DLG1: variants seen among roughly 807,000 people sequenced by gnomAD.
DLG1 encodes discs large MAGUK scaffold protein 1.
Under a neutral mutation model 123.4 loss-of-function variants are expected in DLG1, and 42 were observed. The ratio of observed to expected loss-of-function variants is 0.34; its 90% CI spans 0.27 to 0.44. The LOEUF is 0.44. DLG1 is among the 20% of genes least tolerant of loss of function. The pLI is 1.00. For missense variants in DLG1, 942 were observed against 1,082.6 expected (o/e 0.87, Z 1.82); for synonymous variants, 317 against 356.2 (o/e 0.89, Z 1.24).
Position 197,259,571 on chromosome 3 carries a change from T to A in DLG1, c.318+23108A>T, listed in dbSNP as rs562161878. The stretch of plus-strand genomic sequence containing the variant: ...CATAGAAATAAAAAAAGGTAAATTA[T>A]TCCATATTTTAAAAACCAATGGATG... On this transcript the variant is annotated intron_variant, in intron 4 of 24. Transcript: ENST00000667157. Among the ~76,000 whole-genome samples the A allele has an allele frequency of 4.6e-5, 7 of 152,334 alleles. No homozygotes were observed. The East Asian group carries it at 1.2e-3, about 25-fold the overall frequency.
At chr3:197,249,598 C>T (rs35112822) in intron 4 of DLG1, among the ~76,000 whole-genome samples, 36,495 of 151,824 alleles carry the variant, frequency 0.24, 5,491 homozygotes, top group East Asian at 0.68. Context: ...AAACCAGACA[C>T]GGATAAAACA....
intron 4 of DLG1, among the ~76,000 whole-genome samples, chr3:197,241,945 T>A (rs978987748): frequency 6.6e-6 from 1 of 151,930 alleles, no homozygotes; most frequent in Non-Finnish European, 1.5e-5. Flanking sequence ...AGCAACAAAA[T>A]GGCAGTAGTC....
intron 4 of DLG1, among the ~76,000 whole-genome samples, chr3:197,254,778 G>A (rs184375121): frequency 3.8e-4 from 58 of 152,296 alleles, no homozygotes; most frequent in Admixed American, 1.2e-3. Context: ...AAGGCTGAGC[G>A]TGGTGGCTCA....
intron 17 of DLG1, among the ~76,000 whole-genome samples, chr3:197,076,993 A>C (rs1747724546): frequency 6.6e-6 from 1 of 152,196 alleles, no homozygotes; most frequent in African/African-American, 2.4e-5. Context: ...GTTTATACTA[A>C]TCCATGTTTT....
rs35391772 is a variant in DLG1 at position 197,229,327 on chromosome 3, T to TA, written c.319-34739dup. Reference sequence around the variant, plus strand: ...AGTCAACACAGCAAGAGTCCATCTCTAAAAAAAATATAAATAAATACTTGG... The same window carrying TA: ...AGTCAACACAGCAAGAGTCCATCTCTAAAAAAAAATATAAATAAATACTTGG... On this transcript the variant is annotated intron_variant, in intron 4 of 24. Coordinates refer to ENST00000667157, the MANE Select transcript of DLG1 (RefSeq NM_001366207.1). Among the ~76,000 whole-genome samples, 8 of 151,044 alleles carry TA rather than the reference T, an allele frequency of 5.3e-5. No individual in the cohort carries two copies. In the East Asian group the frequency reaches 1.2e-3, roughly 22 times the overall value.
chr3:197,176,672 T>C (rs1185271478), intron 5 of DLG1, among the ~76,000 whole-genome samples: 1 of 152,158 alleles, frequency 6.6e-6, no homozygotes, highest in Non-Finnish European at 1.5e-5. Flanking sequence ...TATTCCATTG[T>C]CTGAATGCAC....
chr3:197,131,268 T>A (rs1782298111), intron 10 of DLG1, among the ~76,000 whole-genome samples: 1 of 152,226 alleles, frequency 6.6e-6, no homozygotes, highest in South Asian at 2.1e-4. Flanking sequence ...CCACAGAATA[T>A]GAGAGTGCCC....
chr3:197,132,165 A>G (rs904858853), intron 10 of DLG1, among the ~76,000 whole-genome samples: 3 of 151,216 alleles, frequency 2.0e-5, no homozygotes, highest in Non-Finnish European at 4.4e-5. Context: ...TTTTCAAAGG[A>G]CCAACTTTCA....
intron 15 of DLG1, 75 bp downstream of exon 15, chr3:197,090,837 T>C: frequency 2.3e-6 from 2 of 868,060 alleles, no homozygotes; most frequent in Non-Finnish European, 3.6e-6. Context: ...CTAAGTAAGT[T>C]ATAGTGAAAA....
At chr3:197,154,535 C>T (rs531903425) in intron 5 of DLG1, among the ~76,000 whole-genome samples, 63 of 149,772 alleles carry the variant, frequency 4.2e-4, no homozygotes, top group South Asian at 2.6e-3. Flanking sequence ...ATTAGCCGGG[C>T]GTGGCGGCAG....
At chr3:197,142,828 G>T in intron 6 of DLG1, 60 bp from the exon 7 acceptor site, 1 of 1,403,422 alleles carries the variant, frequency 7.1e-7, no homozygotes, top group South Asian at 1.3e-5. Flanking sequence ...AAATGGCAAG[G>T]CAAAATTTTT....
chr3:197,176,184 T>C (rs1019801373), intron 5 of DLG1, among the ~76,000 whole-genome samples: 1 of 152,164 alleles, frequency 6.6e-6, no homozygotes, highest in Non-Finnish European at 1.5e-5. Flanking sequence ...TTTATAGTTT[T>C]TAATAGACTT....
chr3:197,137,493 A>T (rs781380270), intron 9 of DLG1, among the ~76,000 whole-genome samples: 1 of 152,240 alleles, frequency 6.6e-6, no homozygotes, highest in African/African-American at 2.4e-5. Context: ...AGTCTTCAAT[A>T]TAAGAATACT....
intron 5 of DLG1, among the ~76,000 whole-genome samples, chr3:197,164,748 A>G (rs77360057): frequency 2.2e-5 from 2 of 89,056 alleles, no homozygotes; most frequent in Admixed American, 1.4e-4. Flanking sequence ...CTAAAAAAAA[A>G]AAAAAAAGAA....
intron 4 of DLG1, among the ~76,000 whole-genome samples, chr3:197,272,431 A>C (rs1430927741): frequency 1.3e-5 from 2 of 152,110 alleles, no homozygotes; most frequent in East Asian, 3.8e-4. Flanking sequence ...TATGTCACTC[A>C]CAAAGTTTTA....
At chr3:197,158,314 T>G (rs1036364614) in intron 5 of DLG1, among the ~76,000 whole-genome samples, 1 of 151,870 alleles carries the variant, frequency 6.6e-6, no homozygotes, top group Non-Finnish European at 1.5e-5. Flanking sequence ...CTTGTGCACT[T>G]TGGTGGAAAT....
At chr3:197,072,203 T>C (rs1157164770) in intron 18 of DLG1, among the ~76,000 whole-genome samples, 2 of 152,146 alleles carry the variant, frequency 1.3e-5, no homozygotes. Context: ...TTTTTTTATT[T>C]TTGCTGTTAT....
At chr3:197,093,805 A>C (rs999551044) in intron 14 of DLG1, among the ~76,000 whole-genome samples, 2 of 152,180 alleles carry the variant, frequency 1.3e-5, no homozygotes, top group South Asian at 4.1e-4. Context: ...TATATTTTCC[A>C]AAGATGCCTG....
At chr3:197,178,483 G>C (rs1808341431) in intron 5 of DLG1, among the ~76,000 whole-genome samples, 1 of 152,126 alleles carries the variant, frequency 6.6e-6, no homozygotes, top group Non-Finnish European at 1.5e-5. Flanking sequence ...CCGAAGTGGA[G>C]ATACTGAGTA....
Sources: allele counts gnomAD v4.1 joint callset (sites outside exome capture counted in the v4.1 genomes callset), GRCh38; gene constraint gnomAD v4.1.1; transcripts MANE v1.5; gene names NCBI Gene and HGNC (gene_info 2026-07-23, HGNC 2026-07-21).